The following BRIP1 variants were observed in gnomAD, a reference collection of about 807,000 sequenced individuals.
BRIP1 encodes the protein BRCA1 interacting DNA helicase 1.
In BRIP1, 88 loss-of-function variants were observed where a neutral mutation model predicts 119.7. That is an observed-to-expected ratio of 0.74 (90% CI 0.62 to 0.88). The LOEUF is 0.88. Ranked by LOEUF, BRIP1 falls within the 40% of genes least tolerant of loss-of-function variation. The probability of loss-of-function intolerance (pLI) is 0.00; values close to 1 mark genes in which losing one functional copy is unlikely to be tolerated. For synonymous variants in BRIP1, 443 were observed against 496.5 expected, an observed-to-expected ratio of 0.89 and a Z score of 1.43; for missense variants, 1,259 against 1,455.4, an observed-to-expected ratio of 0.87 and a Z score of 2.20.
At chr17:61,792,784 A>G (rs542664089) in intron 10 of BRIP1, among the ~76,000 whole-genome samples, 1 of 152,340 alleles carries the variant, frequency 6.6e-6, no homozygotes, top group South Asian at 2.1e-4. Flanking sequence ...ATTGAACTCT[A>G]CAACACAAGG....
At position 61,689,831 on chromosome 17, in the gene BRIP1, T is replaced by G. The variant is rs191925309; in HGVS notation, c.2575+3599A>C. 6.6e-5 allele frequency among the ~76,000 whole-genome samples: 10 copies of G among 152,166 alleles called. 1 individual carries two copies. The East Asian group carries it at 1.9e-3, about 29-fold the overall frequency. Reference sequence around the variant, plus strand: ...TTTGAGATTAGCCTGGGCAACATAGTGAGACCCCATCTCTACAAAAAAAAT... The same window carrying G: ...TTTGAGATTAGCCTGGGCAACATAGGGAGACCCCATCTCTACAAAAAAAAT... On this transcript the variant is annotated intron_variant, in intron 18 of 19. Coordinates refer to ENST00000259008, the MANE Select transcript of BRIP1 (RefSeq NM_032043.3). This position sits in a 1 kb window ranked among gnomAD's most constrained non-coding sequence, Gnocchi z 4.5.
chr17:61,854,841 C>G (rs1436733659), intron 4 of BRIP1, among the ~76,000 whole-genome samples: 1 of 152,024 alleles, frequency 6.6e-6, no homozygotes, highest in East Asian at 1.9e-4. Context: ...CAGTATCTGT[C>G]TTTGTAATAG....
chr17:61,854,395 T>G (rs186646202), intron 4 of BRIP1, among the ~76,000 whole-genome samples: 4 of 152,168 alleles, frequency 2.6e-5, no homozygotes, highest in Admixed American at 6.5e-5. Flanking sequence ...GACCACTTCA[T>G]GAAACAGTTT....
chr17:61,823,757 AACAC>A lies in BRIP1; in HGVS notation c.628-15004_628-15001del, dbSNP rs144749656. Among the ~76,000 whole-genome samples, 9,687 of 131,628 alleles carry A rather than the reference AACAC, an allele frequency of 0.074. 722 individuals carry two copies. Among genetic ancestry groups the A allele is most frequent in the African/African-American group, 0.2 (7,443 of 37,786 alleles). The allele number at this position is 131,628 out of a possible 152,430, so 86.4% of individuals were successfully genotyped here. ...GCTCAATGACCCCAAGCACACAATA[AACAC>A]ACACACACACACACACACACACACA... On this transcript the variant is annotated intron_variant, in intron 6 of 19. Coordinates refer to ENST00000259008, the MANE Select transcript of BRIP1 (RefSeq NM_032043.3). This position sits in a 1 kb window ranked among gnomAD's most constrained non-coding sequence, Gnocchi z 4.8.
At chr17:61,791,864 A>G (rs908838357) in intron 10 of BRIP1, among the ~76,000 whole-genome samples, 1 of 152,222 alleles carries the variant, frequency 6.6e-6, no homozygotes, top group African/African-American at 2.4e-5. Flanking sequence ...AAATTTTGCC[A>G]TTTGCAACAA....
chr17:61,750,463 G>T (rs568739938), intron 14 of BRIP1, among the ~76,000 whole-genome samples: 1 of 152,238 alleles, frequency 6.6e-6, no homozygotes, highest in East Asian at 1.9e-4. Context: ...GCAATGATTT[G>T]TTGGCTGTGG....
chr17:61,718,657 C>T (rs1178950965), intron 16 of BRIP1, among the ~76,000 whole-genome samples: 5 of 152,172 alleles, frequency 3.3e-5, no homozygotes, highest in Admixed American at 1.3e-4. Flanking sequence ...CTCAGTGTGA[C>T]CACTGAGCTC....
At position 61,699,597 on chromosome 17, in the gene BRIP1, A is replaced by G. The variant is rs2144247495; in HGVS notation, c.2493-6085T>C. ...TTGGGTTGTTATTGTCATATAAATT[A>G]TATCTTTAAACATTGTATGCTGGTG... On this transcript the variant is annotated intron_variant, in intron 17 of 19. Transcript: ENST00000259008. This position sits in a 1 kb window ranked among gnomAD's most constrained non-coding sequence, Gnocchi z 4.8. 6.6e-6 allele frequency among the ~76,000 whole-genome samples: 1 copy of G among 152,292 alleles called. No homozygotes were observed. The highest frequency in any genetic ancestry group is 2.4e-5 in the African/African-American group (1 of 41,572).
At chr17:61,721,275 T>TC (rs1394949095) in intron 16 of BRIP1, among the ~76,000 whole-genome samples, 1 of 149,358 alleles carries the variant, frequency 6.7e-6, no homozygotes, top group Non-Finnish European at 1.5e-5. Flanking sequence ...AGCTTTTTTT[T>TC]TTTTTTTTTT....
Position 61,808,550 on chromosome 17 carries a change from T to G in BRIP1, c.835A>C (p.Arg279=). ...TCAGGATGGACACAAGTATGATCCC[T>G]GCTGGAAAGAATAGTCATTGGAACC... The part of the protein sequence containing the change: ...SGVPMTILSS[R]DHTCVHPEVV... The change falls in exon 7 of 20, where the codon AGG becomes CGG. Residue 279 remains arginine (R), a synonymous_variant. Transcript: ENST00000259008. This position sits in a 1 kb window ranked among gnomAD's most constrained non-coding sequence, Gnocchi z 4.1. The G allele has an allele frequency of 6.2e-7, 1 of 1,613,616 alleles. No homozygotes were observed. The highest frequency in any genetic ancestry group is 1.1e-5 in the South Asian group (1 of 91,072).
At position 61,842,655 on chromosome 17, in the gene BRIP1, C is replaced by A. The variant is rs2078674044; in HGVS notation, c.627+4446G>T. On this transcript the variant is annotated intron_variant, in intron 6 of 19. Transcript: ENST00000259008. This position sits in a 1 kb window ranked among gnomAD's most constrained non-coding sequence, Gnocchi z 5.1. Reference sequence around the variant, plus strand: ...ATTATTAGTCGGTATTATATAGAATCTTTTATCAGCAGCAGCTAAAGGTAA... The same window carrying A: ...ATTATTAGTCGGTATTATATAGAATATTTTATCAGCAGCAGCTAAAGGTAA... Among the ~76,000 whole-genome samples the A allele has an allele frequency of 6.6e-6, 1 of 152,082 alleles. No individual in the cohort carries two copies. The highest frequency in any genetic ancestry group is 1.5e-5 in the Non-Finnish European group (1 of 68,014).
chr17:61,815,129 A>C lies in BRIP1; in HGVS notation c.628-6372T>G, dbSNP rs63183260. Among the ~76,000 whole-genome samples the C allele has an allele frequency of 1.3e-3, 172 of 136,130 alleles. No homozygotes were observed. Among genetic ancestry groups the C allele is most frequent in the African/African-American group, 4.2e-3 (153 of 36,122 alleles). The allele number at this position is 136,130 out of a possible 152,430, so 89.3% of individuals were successfully genotyped here. A position where few individuals can be genotyped will look rare whatever the true frequency, so the allele number is the denominator to read the frequency against. On this transcript the variant is annotated intron_variant, in intron 6 of 19. Transcript: ENST00000259008. This position sits in a 1 kb window ranked among gnomAD's most constrained non-coding sequence, Gnocchi z 4.1. ...AGAAGTGCTGGAAAAAAAAAAAAAA[A>C]CCCACAGTAAATATACTCTGTTCTG... is the stretch of plus-strand genomic sequence containing the variant.
intron 14 of BRIP1, among the ~76,000 whole-genome samples, chr17:61,763,596 G>A (rs2077309081): frequency 1.3e-5 from 2 of 151,968 alleles, no homozygotes; most frequent in African/African-American, 2.4e-5. Context: ...AACAACCAAC[G>A]CACTGATATG....
rs769585673 is a variant in BRIP1 at position 61,861,453 on chromosome 17, C to T, written c.87G>A (p.Met29Ile). 6.2e-7 allele frequency: 1 copy of T among 1,607,916 alleles called. No individual in the cohort carries two copies. Among genetic ancestry groups the T allele is most frequent in the Non-Finnish European group, 8.5e-7 (1 of 1,174,580 alleles). Residue 29 changes from methionine (M) to isoleucine (I), a missense_variant, in exon 2 of 20, where the codon ATG (methionine) becomes ATA (isoleucine). By Grantham distance (10) the Met-to-Ile change is conservative. Around this residue, in one of 3 missense-constraint regions of BRIP1, gnomAD observed 501 missense variants for 544.0 expected, o/e 0.92. Transcript: ENST00000259008. The surrounding 1 kb of genome is among the most constrained non-coding windows in gnomAD (Gnocchi z 4.5). ...YKAYPSQLAM[M>I]NSILRGLNSK... ...ACTGCTGAAAAATACTTACAGAATT[C>T]ATCATAGCAAGCTGTGACGGGTAAG...
intron 16 of BRIP1, among the ~76,000 whole-genome samples, chr17:61,727,697 A>C (rs2144532661): frequency 6.6e-6 from 1 of 152,058 alleles, no homozygotes; most frequent in African/African-American, 2.4e-5. Flanking sequence ...CAGGAGTTTG[A>C]GGCTGCAGTG....
Position 61,726,718 on chromosome 17 carries a change from A to C in BRIP1, c.2380-10655T>G, listed in dbSNP as rs2076770374. Among the ~76,000 whole-genome samples, 1 of 152,178 alleles carries C rather than the reference A, an allele frequency of 6.6e-6. No homozygotes were observed. Among genetic ancestry groups the C allele is most frequent in the Admixed American group, 6.5e-5 (1 of 15,278 alleles). ...AAAATAACTTCTACAATTGATCTTA[A>C]ATTTTCTAAGAAATTTTAGCTAACA... On this transcript the variant is annotated intron_variant, in intron 16 of 19. Coordinates refer to ENST00000259008, the MANE Select transcript of BRIP1 (RefSeq NM_032043.3). The surrounding 1 kb of genome is among the most constrained non-coding windows in gnomAD (Gnocchi z 6.2).
rs2078673315 is a variant in BRIP1, at chr17:61,842,609, T to G, written c.627+4492A>C. On this transcript the variant is annotated intron_variant, in intron 6 of 19. Transcript: ENST00000259008. The surrounding 1 kb of genome is among the most constrained non-coding windows in gnomAD (Gnocchi z 5.1). Reference sequence around the variant, plus strand: ...AACAAAAATAAACAAAAAATAAAGATCAGAACTACAAATATGTAATATTAT... The same window carrying G: ...AACAAAAATAAACAAAAAATAAAGAGCAGAACTACAAATATGTAATATTAT... Among the ~76,000 whole-genome samples, 1 of 152,080 alleles carries G rather than the reference T, an allele frequency of 6.6e-6. No individual in the cohort carries two copies. The highest frequency in any genetic ancestry group is 1.5e-5 in the Non-Finnish European group (1 of 68,004).
At chr17:61,777,081 A>G (rs2145040565) in intron 13 of BRIP1, among the ~76,000 whole-genome samples, 2 of 152,296 alleles carry the variant, frequency 1.3e-5, no homozygotes, top group Non-Finnish European at 2.9e-5. Context: ...TATCTCCCTT[A>G]TATGTAGAGA....
At chr17:61,838,591 A>AAAGC (rs1603357481) in intron 6 of BRIP1, among the ~76,000 whole-genome samples, 1 of 142,608 alleles carries the variant, frequency 7.0e-6, no homozygotes, top group South Asian at 2.2e-4. Context: ...ATAAATAAAT[A>AAAGC]AAGCATCATT....
Sources: allele counts gnomAD v4.1 joint callset (sites outside exome capture counted in the v4.1 genomes callset), GRCh38; gene constraint gnomAD v4.1.1; regional missense constraint gnomAD v4.1.1; non-coding constraint Gnocchi (gnomAD v3.1); transcripts MANE v1.5; gene names NCBI Gene and HGNC (gene_info 2026-07-23, HGNC 2026-07-21).